The following FRAS1 variants were observed in gnomAD, a reference collection of about 807,000 sequenced individuals.
The protein encoded by FRAS1 is Fraser extracellular matrix complex subunit 1.
In FRAS1, 290 loss-of-function variants were observed where a neutral mutation model predicts 435.2. The ratio of observed to expected loss-of-function variants is 0.67; its 90% CI spans 0.61 to 0.73. FRAS1 has a LOEUF of 0.73. Among genes scored for constraint, FRAS1 ranks in the 30% least tolerant of loss-of-function variants. The pLI, the probability that FRAS1 is intolerant of heterozygous loss-of-function variation, is 0.00. For synonymous variants in FRAS1, 1,800 were observed against 1,851.0 expected, an observed-to-expected ratio of 0.97 and a Z score of 0.71; for missense variants, 4,860 against 5,001.5, an observed-to-expected ratio of 0.97 and a Z score of 0.85.
At chr4:78,373,768 C>T (rs931592500) in intron 24 of FRAS1, among the ~76,000 whole-genome samples, 21 of 151,142 alleles carry the variant, frequency 1.4e-4, no homozygotes, top group Non-Finnish European at 2.8e-4. Context: ...AGCAAAACTC[C>T]GTCTTAAATA....
chr4:78,324,695 T>TAAGCTC (rs1363107359), intron 18 of FRAS1, among the ~76,000 whole-genome samples: 1 of 149,292 alleles, frequency 6.7e-6, no homozygotes, highest in Non-Finnish European at 1.5e-5. Flanking sequence ...TTCTTTTTAT[T>TAAGCTC]AAGCTCAGAT....
chr4:78,474,722 C>T (rs186414750), intron 53 of FRAS1, among the ~76,000 whole-genome samples: 1 of 152,326 alleles, frequency 6.6e-6, no homozygotes, highest in East Asian at 1.9e-4. Context: ...AGCAACAAGA[C>T]ATGCACCCAG....
rs528735947 is a variant in FRAS1, at chr4:78,135,082, G to A, written c.108+69066G>A. Among the ~76,000 whole-genome samples, 76 of 152,234 alleles carry A rather than the reference G, an allele frequency of 5.0e-4. No individual in the cohort carries two copies. In the Middle Eastern group the frequency reaches 0.017, roughly 34 times the overall value. ...GTCATGGGGCTGACTGTGTATTTGA[G>A]ATATACAGTAACAAACCATATTACA... On this transcript the variant is annotated intron_variant, in intron 2 of 73. Transcript: ENST00000512123.
chr4:78,248,128 G>A (rs1725337950), intron 4 of FRAS1, among the ~76,000 whole-genome samples: 1 of 152,176 alleles, frequency 6.6e-6, no homozygotes, highest in South Asian at 2.1e-4. Flanking sequence ...CTTTCCTGGA[G>A]TGAGGAAAAC....
At chr4:78,498,612 T>A (rs1465810139) in intron 60 of FRAS1, among the ~76,000 whole-genome samples, 1 of 152,044 alleles carries the variant, frequency 6.6e-6, no homozygotes, top group African/African-American at 2.4e-5. Context: ...GCTTATCTTC[T>A]ACAGTTAGGA....
intron 2 of FRAS1, among the ~76,000 whole-genome samples, chr4:78,079,721 C>T (rs970118839): frequency 6.6e-6 from 1 of 152,210 alleles, no homozygotes; most frequent in Admixed American, 6.5e-5. Context: ...AGTGAGTCCC[C>T]TTCAGAGATG....
At chr4:78,312,092 C>A (rs2110226646) in intron 15 of FRAS1, among the ~76,000 whole-genome samples, 1 of 150,702 alleles carries the variant, frequency 6.6e-6, no homozygotes, top group African/African-American at 2.4e-5. Context: ...TTTAATAAGA[C>A]CTTTGCTAAG....
At chr4:78,412,091 C>T (rs1253516613) in intron 31 of FRAS1, among the ~76,000 whole-genome samples, 1 of 152,172 alleles carries the variant, frequency 6.6e-6, no homozygotes. Flanking sequence ...TGCTATATCT[C>T]CTTAAAAACG....
chr4:78,396,121 G>A (rs1369543351), intron 29 of FRAS1, among the ~76,000 whole-genome samples: 2 of 151,986 alleles, frequency 1.3e-5, no homozygotes, highest in Non-Finnish European at 2.9e-5. Flanking sequence ...ATACAAAACT[G>A]TTTACTTCTC....
At chr4:78,514,425 CAG>C (rs1721143025) in intron 65 of FRAS1, among the ~76,000 whole-genome samples, 1 of 152,242 alleles carries the variant, frequency 6.6e-6, no homozygotes, top group Admixed American at 6.5e-5. Flanking sequence ...AAACACTTAA[CAG>C]TGTTTTTGAA....
At chr4:78,332,289 A>G (rs2110257526) in intron 18 of FRAS1, among the ~76,000 whole-genome samples, 1 of 152,302 alleles carries the variant, frequency 6.6e-6, no homozygotes, top group East Asian at 1.9e-4. Context: ...CGGGAGGGCC[A>G]GTCTCTCCAA....
At position 78,369,901 on chromosome 4, in the gene FRAS1, A is replaced by G; in HGVS notation, c.2786A>G (p.Asn929Ser). The change falls in exon 23 of 74, where the codon AAC becomes AGC. Residue 929 changes from asparagine (N) to serine (S), a missense_variant. Physicochemically the swap from Asn to Ser is conservative, Grantham distance 46 (BLOSUM62 1). Transcript: ENST00000512123. ...AGCTGTACCTCCTGCCGAGATCCAA[A>G]CAAGGTTCTGCTCTTTGGGGAATGT... ...QASCTSCRDP[N>S]KVLLFGECQY... 2.5e-6 allele frequency: 4 copies of G among 1,613,904 alleles called. No homozygotes were observed. Among genetic ancestry groups the G allele is most frequent in the Non-Finnish European group, 3.4e-6 (4 of 1,179,822 alleles).
In FRAS1 at chr4:78,421,964, C is replaced by T. The variant is rs1176106837; in HGVS notation, c.4642C>T (p.Pro1548Ser). The T allele has an allele frequency of 1.9e-6, 3 of 1,613,454 alleles. No individual in the cohort carries two copies. Among genetic ancestry groups the T allele is most frequent in the South Asian group, 1.1e-5 (1 of 90,970 alleles). ...CATGTACCGCCCTCCCCCGGCAGCA[C>T]CCCACCTCCAGGAGCTCATGGCCTT... ...KVMYRPPPAA[P>S]HLQELMAFSF... The change falls in exon 34 of 74, where the codon CCC (proline) becomes TCC (serine). Residue 1548 changes from proline (P) to serine (S), a missense_variant. Pro to Ser is a moderately conservative substitution (Grantham distance 74, BLOSUM62 -1). Transcript: ENST00000512123.
In FRAS1 at chr4:78,438,996, A is replaced by G. The variant is rs1229443933; in HGVS notation, c.5461A>G (p.Ile1821Val). The change falls in exon 40 of 74, where the codon ATA becomes GTA. Residue 1821 changes from isoleucine (I) to valine (V), a missense_variant. Coordinates refer to ENST00000512123, the MANE Select transcript of FRAS1 (RefSeq NM_025074.7). ...GGACCACAACCATCTGGATAATCAG[A>G]TATTTACCATCATGATCACTCCTGC... ...DMDHNHLDNQ[I>V]FTIMITPAEN... The G allele has an allele frequency of 1.9e-6, 3 of 1,613,438 alleles. No homozygotes were observed. The highest frequency in any genetic ancestry group is 2.5e-6 in the Non-Finnish European group (3 of 1,179,542).
chr4:78,340,711 G>A (rs1223578029), intron 20 of FRAS1, among the ~76,000 whole-genome samples: 2 of 152,196 alleles, frequency 1.3e-5, no homozygotes, highest in Non-Finnish European at 2.9e-5. Context: ...TTTGGAGGCT[G>A]GAAGTCCAAG....
At chr4:78,428,647 A>G (rs540968901) in intron 35 of FRAS1, among the ~76,000 whole-genome samples, 1 of 152,338 alleles carries the variant, frequency 6.6e-6, no homozygotes, top group Admixed American at 6.5e-5. Flanking sequence ...CTAATGAGAC[A>G]TAGACTTGCC....
chr4:78,458,305 AC>A (rs1456977725), intron 47 of FRAS1, among the ~76,000 whole-genome samples: 20 of 152,208 alleles, frequency 1.3e-4, no homozygotes, highest in African/African-American at 4.6e-4. Flanking sequence ...CCTTTAGGCT[AC>A]CTAGTCATGA....
At chr4:78,201,636 T>G (rs527520083) in intron 2 of FRAS1, among the ~76,000 whole-genome samples, 17 of 152,202 alleles carry the variant, frequency 1.1e-4, no homozygotes, top group Non-Finnish European at 2.4e-4. Context: ...ACGTTCTGAC[T>G]CAACCAATTG....
chr4:78,306,714 C>T (rs1197805492), intron 14 of FRAS1, among the ~76,000 whole-genome samples: 2 of 151,262 alleles, frequency 1.3e-5, no homozygotes, highest in Admixed American at 6.6e-5. Context: ...TCAGCTCCAT[C>T]AGCTCCTTTA....
Sources: gnomAD v4.1 joint callset for allele counts (sites outside exome capture counted in the v4.1 genomes callset) on GRCh38, gnomAD v4.1.1 for gene constraint, MANE v1.5 for transcripts, NCBI Gene and HGNC (gene_info 2026-07-23, HGNC 2026-07-21) for gene names.